Variants in PRKG1 observed in about 807,000 individuals in gnomAD.
The protein encoded by PRKG1 is protein kinase cGMP-dependent 1, also known as cGMP-dependent protein kinase 1.
A neutral mutation model predicts 88.1 loss-of-function variants in PRKG1; 35 were observed. That is an observed-to-expected ratio of 0.40 (90% CI 0.30 to 0.53). The LOEUF (loss-of-function observed/expected upper bound fraction) is 0.53, where lower values mean the gene tolerates loss of function less well. Among genes scored for constraint, PRKG1 ranks in the 20% least tolerant of loss-of-function variants. The pLI is 0.59. For synonymous variants in PRKG1, 303 were observed against 292.5 expected, an observed-to-expected ratio of 1.04 and a Z score of -0.37; for missense variants, 540 against 839.8, an observed-to-expected ratio of 0.64 and a Z score of 4.41.
intron 2 of PRKG1, among the ~76,000 whole-genome samples, chr10:51,241,636 A>C (rs1839155410): frequency 6.6e-6 from 1 of 152,174 alleles, no homozygotes; most frequent in African/African-American, 2.4e-5. Flanking sequence ...GTGACAGCAT[A>C]TGTCACAATT....
Position 52,038,106 on chromosome 10 carries a change from G to A in PRKG1, c.763-16378G>A, listed in dbSNP as rs529100151. The stretch of plus-strand genomic sequence containing the variant: ...GCTATTTGGAACTACTGTCGAGTTT[G>A]TATTGGGGTCAAGCAGCATTGCAGA... On this transcript the variant is annotated intron_variant, in intron 5 of 17. Transcript: ENST00000373980. Among the ~76,000 whole-genome samples, 3 of 152,276 alleles carry A rather than the reference G, an allele frequency of 2.0e-5. No individual in the cohort carries two copies. The East Asian group carries it at 5.8e-4, about 29-fold the overall frequency.
chr10:51,447,426 G>C (rs77315309), intron 2 of PRKG1, among the ~76,000 whole-genome samples: 5,062 of 152,090 alleles, frequency 0.033, 117 homozygotes, highest in Admixed American at 0.059. Flanking sequence ...TGCGAGTTTA[G>C]CTCTGACCAG....
intron 9 of PRKG1, among the ~76,000 whole-genome samples, chr10:52,248,776 A>C (rs536204361): frequency 6.6e-6 from 1 of 151,866 alleles, no homozygotes; most frequent in South Asian, 2.1e-4. Flanking sequence ...GGTAATAGCT[A>C]TAAACAAAGT....
intron 5 of PRKG1, among the ~76,000 whole-genome samples, chr10:52,024,901 C>T (rs1845292858): frequency 1.3e-5 from 2 of 152,148 alleles, no homozygotes; most frequent in Non-Finnish European, 2.9e-5. Flanking sequence ...TGAGGAATTG[C>T]CACACTGTCT....
chr10:51,813,417 A>G (rs948545848), intron 4 of PRKG1, among the ~76,000 whole-genome samples: 6 of 152,214 alleles, frequency 3.9e-5, no homozygotes, highest in African/African-American at 1.4e-4. Context: ...CCCTCCCACT[A>G]TCAAGGACCA....
intron 2 of PRKG1, among the ~76,000 whole-genome samples, chr10:51,294,355 A>C (rs900804897): frequency 6.6e-6 from 1 of 152,160 alleles, no homozygotes; most frequent in African/African-American, 2.4e-5. Flanking sequence ...TTCAGGCCTT[A>C]TGCTTAAGTC....
intron 5 of PRKG1, among the ~76,000 whole-genome samples, chr10:51,920,093 C>T (rs1842431017): frequency 6.6e-6 from 1 of 152,020 alleles, no homozygotes; most frequent in Admixed American, 6.6e-5. Context: ...TACAAGAACT[C>T]ATCATGAGGG....
chr10:52,269,933 C>G (rs534216126), intron 10 of PRKG1, among the ~76,000 whole-genome samples: 4 of 152,160 alleles, frequency 2.6e-5, no homozygotes, highest in African/African-American at 7.2e-5. Flanking sequence ...AGAGGCATGG[C>G]ACATTGAAAG....
chr10:51,358,371 T>C (rs905782789), intron 2 of PRKG1, among the ~76,000 whole-genome samples: 18 of 151,846 alleles, frequency 1.2e-4, no homozygotes, highest in African/African-American at 3.9e-4. Flanking sequence ...ATTACAAATG[T>C]TCACTCAGGT....
chr10:51,736,902 C>G (rs1222427156), intron 3 of PRKG1, among the ~76,000 whole-genome samples: 1 of 151,760 alleles, frequency 6.6e-6, no homozygotes, highest in Non-Finnish European at 1.5e-5. Context: ...TTCCAAAGTA[C>G]TGGGATTACA....
At position 51,085,608 on chromosome 10, in the gene PRKG1, G is replaced by GT. The variant is rs550755208; in HGVS notation, c.311+10717dup. ...AGACACTTAGAAAAGTAAGAGTAGT[G>GT]TTTTTTTTTTGGCTGGGAGATCGAT... is the stretch of plus-strand genomic sequence containing the variant. On this transcript the variant is annotated intron_variant, in intron 1 of 17. Coordinates refer to ENST00000373980, the MANE Select transcript of PRKG1 (RefSeq NM_006258.4). 9.8e-3 allele frequency among the ~76,000 whole-genome samples: 1,430 copies of GT among 146,216 alleles called. 12 individuals carry two copies. Among genetic ancestry groups the GT allele is most frequent in the Admixed American group, 0.015 (220 of 14,582 alleles).
At chr10:51,528,363 T>C (rs757236988) in intron 3 of PRKG1, among the ~76,000 whole-genome samples, 3 of 152,202 alleles carry the variant, frequency 2.0e-5, no homozygotes, top group Non-Finnish European at 2.9e-5. Context: ...TGTGTGAATA[T>C]GGCAAAATGT....
chr10:51,780,910 CAT>C (rs1158135437), intron 3 of PRKG1, among the ~76,000 whole-genome samples: 5 of 152,152 alleles, frequency 3.3e-5, no homozygotes, highest in East Asian at 1.9e-4. Context: ...AAAATTTTGA[CAT>C]AGAATAAGAG....
chr10:51,301,528 G>A (rs962211205), intron 2 of PRKG1, among the ~76,000 whole-genome samples: 17 of 152,126 alleles, frequency 1.1e-4, no homozygotes, highest in African/African-American at 4.1e-4. Context: ...GCAGAGAATT[G>A]GCTTATATTT....
intron 4 of PRKG1, 135 bp downstream of exon 4, chr10:51,804,825 T>G: frequency 3.3e-6 from 2 of 610,722 alleles, no homozygotes; most frequent in Admixed American, 7.0e-5. Context: ...TGTAGAGATG[T>G]AAGACTTCGA....
chr10:51,855,512 A>G (rs1279396771), intron 4 of PRKG1, among the ~76,000 whole-genome samples: 2 of 152,148 alleles, frequency 1.3e-5, no homozygotes, highest in Non-Finnish European at 2.9e-5. Flanking sequence ...GAGGAATGCA[A>G]TTACTTCTAT....
chr10:51,704,227 T>TGATAGACAGACAGATA (rs1457624817), intron 3 of PRKG1, among the ~76,000 whole-genome samples: 6 of 143,368 alleles, frequency 4.2e-5, no homozygotes, highest in African/African-American at 1.7e-4. Flanking sequence ...AGCTGATAGA[T>TGATAGACAGACAGATA]GATAGATAGA....
At chr10:51,143,219 G>A (rs1326485574) in intron 1 of PRKG1, among the ~76,000 whole-genome samples, 2 of 152,002 alleles carry the variant, frequency 1.3e-5, no homozygotes, top group Admixed American at 6.5e-5. Flanking sequence ...ACATATGAGT[G>A]AGATCGTGTG....
chr10:51,935,483 A>T (rs1010015627), intron 5 of PRKG1, among the ~76,000 whole-genome samples: 4 of 152,110 alleles, frequency 2.6e-5, no homozygotes, highest in Admixed American at 6.6e-5. Flanking sequence ...TTGAGATAGG[A>T]TAGATTTGAA....
Sources: gnomAD v4.1 joint callset for allele counts (sites outside exome capture counted in the v4.1 genomes callset) on GRCh38, gnomAD v4.1.1 for gene constraint, MANE v1.5 for transcripts, NCBI Gene and HGNC (gene_info 2026-07-23, HGNC 2026-07-21) for gene names.